The following SPIDR variants were observed in gnomAD, a reference collection of about 807,000 sequenced individuals.
SPIDR encodes the protein scaffold protein involved in DNA repair, also known as DNA repair-scaffolding protein.
SPIDR carries 93 observed loss-of-function variants against 104.6 expected under a neutral mutation model. That is an observed-to-expected ratio of 0.89 (90% CI 0.75 to 1.06). The LOEUF (loss-of-function observed/expected upper bound fraction) is 1.06. Among genes scored for constraint, SPIDR ranks in the 50% least tolerant of loss-of-function variants. SPIDR has a pLI of 0.00. For missense variants in SPIDR, 1,154 were observed against 1,111.2 expected, an observed-to-expected ratio of 1.04 and a Z score of -0.55; for synonymous variants, 431 against 416.9, an observed-to-expected ratio of 1.03 and a Z score of -0.41.
chr8:47,698,993 G>A (rs1346100739), intron 11 of SPIDR, among the ~76,000 whole-genome samples: 1 of 152,194 alleles, frequency 6.6e-6, no homozygotes, highest in Non-Finnish European at 1.5e-5. Flanking sequence ...CTCTGTCACT[G>A]TCTGGAAAGG....
chr8:47,277,313 T>TA (rs1554554704), intron 1 of SPIDR, among the ~76,000 whole-genome samples: 2 of 141,948 alleles, frequency 1.4e-5, no homozygotes, highest in Non-Finnish European at 3.0e-5. Context: ...TATGTTATGT[T>TA]TGTTATGTTA....
At chr8:47,438,476 C>T (rs2068777056) in intron 7 of SPIDR, among the ~76,000 whole-genome samples, 1 of 152,154 alleles carries the variant, frequency 6.6e-6, no homozygotes, top group Admixed American at 6.5e-5. Context: ...AAGTGACTTC[C>T]ACATTATCCT....
chr8:47,735,111 G>GT (rs2086028657), intron 19 of SPIDR, among the ~76,000 whole-genome samples, 196 bp from the exon 20 acceptor site: 8 of 135,182 alleles, frequency 5.9e-5, no homozygotes, highest in South Asian at 2.2e-4. Context: ...TGTGTGTGTG[G>GT]GTGTGTGTGT....
intron 14 of SPIDR, among the ~76,000 whole-genome samples, chr8:47,707,184 G>A (rs1248433202): frequency 6.6e-6 from 1 of 151,140 alleles, no homozygotes; most frequent in African/African-American, 2.4e-5. Context: ...AACCTGGGAG[G>A]CAGAGGTTGA....
intron 11 of SPIDR, among the ~76,000 whole-genome samples, chr8:47,690,175 T>C (rs1243272711): frequency 1.3e-5 from 2 of 151,792 alleles, no homozygotes; most frequent in Non-Finnish European, 2.9e-5. Flanking sequence ...TTTGGAATAA[T>C]AAGTACCACC....
chr8:47,649,707 C>A (rs2154454601), intron 10 of SPIDR, among the ~76,000 whole-genome samples: 1 of 151,992 alleles, frequency 6.6e-6, no homozygotes, highest in Middle Eastern at 3.4e-3. Context: ...AAGAAGTTAC[C>A]CTCAAATAAT....
intron 7 of SPIDR, among the ~76,000 whole-genome samples, chr8:47,428,468 C>T (rs2066798274): frequency 6.6e-6 from 1 of 152,132 alleles, no homozygotes; most frequent in Admixed American, 6.5e-5. Context: ...ATGATCTAAT[C>T]TAAGTCTCCT....
chr8:47,544,293 A>G (rs2088832696), intron 8 of SPIDR, among the ~76,000 whole-genome samples: 1 of 152,096 alleles, frequency 6.6e-6, no homozygotes. Flanking sequence ...TATTCTGGAT[A>G]CTAGTCCTTA....
In SPIDR at chr8:47,279,061, G is replaced by GT. The variant is rs1187275785; in HGVS notation, c.34-785dup. ...GCCACCATGCCCAGCTCACTAAAAA[G>GT]TTTTTTTTTTTTTTTTAGAAATGGG... is the stretch of plus-strand genomic sequence containing the variant. On this transcript the variant is annotated intron_variant, in intron 1 of 19. Transcript: ENST00000297423. Among the ~76,000 whole-genome samples, 1,084 of 134,496 alleles carry GT rather than the reference G, an allele frequency of 8.1e-3. 3 individuals carry two copies. Among genetic ancestry groups the GT allele is most frequent in the Middle Eastern group, 0.012 (3 of 256 alleles). The allele number at this position is 134,496 out of a possible 152,430, so 88.2% of individuals were successfully genotyped here. A position where few individuals can be genotyped will look rare whatever the true frequency, so the allele number is the denominator to read the frequency against.
chr8:47,552,146 C>T (rs1023856115), intron 8 of SPIDR, among the ~76,000 whole-genome samples: 2 of 152,022 alleles, frequency 1.3e-5, no homozygotes, highest in Admixed American at 6.6e-5. Flanking sequence ...CAGTTTGTTA[C>T]AATTTTTGTT....
At chr8:47,381,140 G>A (rs1587962629) in intron 5 of SPIDR, among the ~76,000 whole-genome samples, 1 of 152,174 alleles carries the variant, frequency 6.6e-6, no homozygotes, top group East Asian at 1.9e-4. Flanking sequence ...TGGGGTAATA[G>A]ACCTGTGGAT....
intron 5 of SPIDR, among the ~76,000 whole-genome samples, chr8:47,298,705 T>C (rs1341945619): frequency 1.3e-5 from 2 of 152,240 alleles, no homozygotes; most frequent in African/African-American, 4.8e-5. Flanking sequence ...ATTTGTAAAA[T>C]AGGGAATCCT....
chr8:47,293,830 G>A (rs2040369709), intron 4 of SPIDR, 37 bp from the exon 5 acceptor site: 4 of 1,559,356 alleles, frequency 2.6e-6, no homozygotes, highest in Non-Finnish European at 3.5e-6. Flanking sequence ...GAAAGATTAA[G>A]GAGATAATTA....
At chr8:47,589,810 A>G (rs182517822) in intron 8 of SPIDR, among the ~76,000 whole-genome samples, 1 of 152,254 alleles carries the variant, frequency 6.6e-6, no homozygotes, top group Non-Finnish European at 1.5e-5. Context: ...ATCTTTTCAA[A>G]TAACTCTATT....
In SPIDR at chr8:47,627,400, T is replaced by C. The variant is rs184348278; in HGVS notation, c.1544+28204T>C. Among the ~76,000 whole-genome samples, 30 of 151,842 alleles carry C rather than the reference T, an allele frequency of 2.0e-4. No individual in the cohort carries two copies. In the East Asian group the frequency reaches 4.6e-3, roughly 23 times the overall value. ...ACTTAAAGTATAATAATAATAAAAA[T>C]TTAAAAAAAAAGAAATGATTTACCG... On this transcript the variant is annotated intron_variant, in intron 10 of 19. Transcript: ENST00000297423.
At chr8:47,434,779 GTA>G (rs1563963663) in intron 7 of SPIDR, among the ~76,000 whole-genome samples, 1 of 151,320 alleles carries the variant, frequency 6.6e-6, no homozygotes, top group African/African-American at 2.4e-5. Flanking sequence ...GTCCTTTCTT[GTA>G]TAGTTATTTG....
chr8:47,491,078 A>G (rs1051124528), intron 8 of SPIDR, among the ~76,000 whole-genome samples: 2 of 152,244 alleles, frequency 1.3e-5, no homozygotes, highest in Non-Finnish European at 2.9e-5. Context: ...TACAAAAAGC[A>G]TGCCTCACAT....
At chr8:47,646,338 G>A (rs1017186896) in intron 10 of SPIDR, among the ~76,000 whole-genome samples, 3 of 152,206 alleles carry the variant, frequency 2.0e-5, no homozygotes. Flanking sequence ...ACTCCAGAGA[G>A]AGCACCTTGG....
chr8:47,431,508 A>G (rs72646325), intron 7 of SPIDR, among the ~76,000 whole-genome samples: 4,472 of 152,284 alleles, frequency 0.029, 98 homozygotes, highest in Non-Finnish European at 0.047. Context: ...CGAACAAGCT[A>G]TTCCTACGGA....
Sources: gnomAD v4.1 joint callset for allele counts (sites outside exome capture counted in the v4.1 genomes callset) on GRCh38, gnomAD v4.1.1 for gene constraint, MANE v1.5 for transcripts, NCBI Gene and HGNC (gene_info 2026-07-23, HGNC 2026-07-21) for gene names.